The following GABRA4 variants were observed in gnomAD, a reference collection of about 807,000 sequenced individuals.
GABRA4 encodes gamma-aminobutyric acid receptor subunit alpha-4.
A neutral mutation model predicts 49.7 loss-of-function variants in GABRA4; 12 were observed. That is an observed-to-expected ratio of 0.24 (90% CI 0.15 to 0.39). GABRA4 has a LOEUF of 0.39. Among genes scored for constraint, GABRA4 ranks in the 10% least tolerant of loss-of-function variants. GABRA4 has a pLI of 1.00. For missense variants in GABRA4, 506 were observed against 686.0 expected, an observed-to-expected ratio of 0.74 and a Z score of 2.93; for synonymous variants, 288 against 240.2, an observed-to-expected ratio of 1.20 and a Z score of -1.84.
chr4:46,993,010 G>A (rs990030207), intron 1 of GABRA4, 64 bp from the exon 2 acceptor site: 3 of 1,224,460 alleles, frequency 2.5e-6, no homozygotes, highest in South Asian at 1.2e-5. Flanking sequence ...TCAGAGAACA[G>A]GTGCAAACAG....
chr4:46,984,451 A>G (rs1723465511), intron 2 of GABRA4, among the ~76,000 whole-genome samples: 1 of 152,090 alleles, frequency 6.6e-6, no homozygotes, highest in African/African-American at 2.4e-5. Flanking sequence ...TCACTGAGAA[A>G]GCAGAAAACA....
intron 4 of GABRA4, 93 bp downstream of exon 4, chr4:46,977,317 G>A: frequency 2.1e-6 from 1 of 471,700 alleles, no homozygotes; most frequent in East Asian, 4.2e-5. Flanking sequence ...AGGGAGGGAG[G>A]AAGGGAGGGA....
At chr4:46,946,725 T>A (rs1302730119) in intron 8 of GABRA4, among the ~76,000 whole-genome samples, 1 of 152,138 alleles carries the variant, frequency 6.6e-6, no homozygotes, top group Non-Finnish European at 1.5e-5. Flanking sequence ...ATCTGTTGAA[T>A]GAATAGATAA....
chr4:46,922,276 T>C lies in GABRA4; in HGVS notation c.*5949A>G, dbSNP rs1721063292. On this transcript the variant is annotated 3_prime_UTR_variant, in exon 9 of 9. Coordinates refer to ENST00000264318, the MANE Select transcript of GABRA4 (RefSeq NM_000809.4). ...CAAATGTCAAAAATAGATATAAAAA[T>C]ATGGTGCCTGGGCAGAAGAAAAAAC... The C allele has an allele frequency of 6.6e-6, 1 of 151,918 alleles. No homozygotes were observed. Among genetic ancestry groups the C allele is most frequent in the Admixed American group, 6.6e-5 (1 of 15,246 alleles). 9.4% of individuals were successfully genotyped at this position (151,918 alleles called of 1,614,324 possible).
rs1272866991 is a variant in GABRA4, at chr4:46,965,123, A to G, written c.981T>C (p.Phe327=). 3.7e-6 allele frequency: 6 copies of G among 1,612,236 alleles called. No homozygotes were observed. The South Asian group carries it at 4.4e-5, about 12-fold the overall frequency. The change falls in exon 8 of 9, where the codon TTT becomes TTC. Residue 327 remains phenylalanine (F), a synonymous_variant. Coordinates refer to ENST00000264318, the MANE Select transcript of GABRA4 (RefSeq NM_000809.4). ...CGATAAGGGCCGAAAATACAAAAGC[A>G]AAGCAGACAGCTATGAACCAGTCCA... is the stretch of plus-strand genomic sequence containing the variant. ...TAMDWFIAVC[F]AFVFSALIEF...
chr4:46,977,260 G>A, intron 4 of GABRA4, 117 bp from the exon 5 acceptor site: 1 of 560,092 alleles, frequency 1.8e-6, no homozygotes, highest in Admixed American at 3.7e-5. Flanking sequence ...GGGAAGAAAA[G>A]GAAGGAAGGA....
chr4:46,958,836 A>G (rs1433554323), intron 8 of GABRA4, among the ~76,000 whole-genome samples: 1 of 151,984 alleles, frequency 6.6e-6, no homozygotes, highest in African/African-American at 2.4e-5. Flanking sequence ...AGTGATGATG[A>G]ATCAAACTAC....
intron 1 of GABRA4, 30 bp from the exon 2 acceptor site, chr4:46,992,976 G>C (rs373483792): frequency 4.5e-5 from 65 of 1,456,404 alleles, no homozygotes; most frequent in Non-Finnish European, 5.6e-5. Context: ...AACCGGGGGC[G>C]GAGGAGATTA....
Position 46,927,261 on chromosome 4 carries a change from A to G in GABRA4, c.*964T>C, listed in dbSNP as rs1411757284. On this transcript the variant is annotated 3_prime_UTR_variant, in exon 9 of 9. Transcript: ENST00000264318. ...TTTGAAAACCAATTGCTGAAGTTGT[A>G]CTGACATCAAAGTGGTTATGTGAAC... 2.6e-5 allele frequency: 4 copies of G among 152,478 alleles called. No homozygotes were observed. The highest frequency in any genetic ancestry group is 9.7e-5 in the African/African-American group (4 of 41,438). 9.4% of individuals were successfully genotyped at this position (152,478 alleles called of 1,614,324 possible).
At chr4:46,960,396 T>C (rs1202607858) in intron 8 of GABRA4, among the ~76,000 whole-genome samples, 1 of 151,708 alleles carries the variant, frequency 6.6e-6, no homozygotes, top group Non-Finnish European at 1.5e-5. Context: ...GGTTATATGT[T>C]AAACAGCTGA....
Position 46,942,547 on chromosome 4 carries a change from C to T in GABRA4, c.1135-13792G>A, listed in dbSNP as rs569357362. Among the ~76,000 whole-genome samples, 271 of 151,262 alleles carry T rather than the reference C, an allele frequency of 1.8e-3. 3 individuals are homozygous for T. The highest frequency in any genetic ancestry group is 6.1e-3 in the African/African-American group (253 of 41,162). ...GGCTGAGGCATGAGAATTGCTTGAACGCGGAAGGTGGAGTTTGCTGTGAGC... is the reference window on the plus strand; with the variant it reads ...GGCTGAGGCATGAGAATTGCTTGAATGCGGAAGGTGGAGTTTGCTGTGAGC... On this transcript the variant is annotated intron_variant, in intron 8 of 8. Transcript: ENST00000264318.
chr4:46,980,673 A>G (rs1723326038), intron 2 of GABRA4, among the ~76,000 whole-genome samples: 1 of 152,082 alleles, frequency 6.6e-6, no homozygotes, highest in Non-Finnish European at 1.5e-5. Context: ...TTTTTATTTG[A>G]ATGAAAAATT....
intron 7 of GABRA4, among the ~76,000 whole-genome samples, 183 bp downstream of exon 7, chr4:46,970,900 A>C (rs1433977235): frequency 6.6e-6 from 1 of 151,544 alleles, no homozygotes; most frequent in Non-Finnish European, 1.5e-5. Context: ...AGAGGAAAGG[A>C]AGGATGCCCA....
At chr4:46,948,168 T>C (rs1722046158) in intron 8 of GABRA4, among the ~76,000 whole-genome samples, 1 of 152,158 alleles carries the variant, frequency 6.6e-6, no homozygotes, top group Admixed American at 6.6e-5. Context: ...AAAATTATTC[T>C]AATAGTGAAC....
chr4:46,972,448 G>A (rs577726119), intron 6 of GABRA4, among the ~76,000 whole-genome samples: 39 of 151,304 alleles, frequency 2.6e-4, no homozygotes, highest in African/African-American at 8.5e-4. Flanking sequence ...ATTTTTTGAG[G>A]TATGATTGAC....
chr4:46,984,645 C>T (rs564092292), intron 2 of GABRA4, among the ~76,000 whole-genome samples: 16 of 151,774 alleles, frequency 1.1e-4, no homozygotes, highest in South Asian at 4.2e-4. Flanking sequence ...AAGTAATTCA[C>T]GGAAAGAAAA....
chr4:46,993,039 G>T, intron 1 of GABRA4, 93 bp from the exon 2 acceptor site: 1 of 985,000 alleles, frequency 1.0e-6, no homozygotes, highest in Non-Finnish European at 1.6e-6. Context: ...TCTAGGGAAA[G>T]AGTCGCTTGC....
chr4:46,934,455 C>A (rs1419510522), intron 8 of GABRA4, among the ~76,000 whole-genome samples: 1 of 152,076 alleles, frequency 6.6e-6, no homozygotes, highest in Non-Finnish European at 1.5e-5. Context: ...ATTTTATATA[C>A]CAAGGCACTC....
intron 8 of GABRA4, among the ~76,000 whole-genome samples, chr4:46,939,486 C>T (rs1031863430): frequency 3.3e-5 from 5 of 151,910 alleles, no homozygotes; most frequent in African/African-American, 7.2e-5. Context: ...AAACCTAAAA[C>T]GTTGAGCACC....
Sources: allele counts gnomAD v4.1 joint callset (sites outside exome capture counted in the v4.1 genomes callset), GRCh38; gene constraint gnomAD v4.1.1; transcripts MANE v1.5; gene names NCBI Gene and HGNC (gene_info 2026-07-23, HGNC 2026-07-21).